Variants in PHLPP1 observed in about 807,000 individuals in gnomAD.
The protein encoded by PHLPP1 is PH domain and leucine rich repeat protein phosphatase 1.
Under a neutral mutation model 117.2 loss-of-function variants are expected in PHLPP1, and 42 were observed. The ratio of observed to expected loss-of-function variants is 0.36; its 90% confidence interval spans 0.28 to 0.46. The LOEUF (loss-of-function observed/expected upper bound fraction) is 0.46, where lower values mean the gene tolerates loss of function less well. Among genes scored for constraint, PHLPP1 ranks in the 20% least tolerant of loss-of-function variants. The pLI, the probability that PHLPP1 is intolerant of heterozygous loss-of-function variation, is 1.00. For synonymous variants in PHLPP1, 1,042 were observed against 970.7 expected (o/e 1.07, Z -1.37); for missense variants, 2,084 against 2,241.9 (o/e 0.93, Z 1.42).
intron 14 of PHLPP1, among the ~76,000 whole-genome samples, chr18:62,971,450 T>C (rs903315199): frequency 5.9e-5 from 9 of 152,032 alleles, no homozygotes; most frequent in African/African-American, 2.2e-4. Flanking sequence ...AGTTTGATTC[T>C]TTTGAGTTTG....
chr18:62,727,477 C>T (rs1334406325), intron 1 of PHLPP1, among the ~76,000 whole-genome samples: 3 of 151,670 alleles, frequency 2.0e-5, no homozygotes, highest in Non-Finnish European at 4.4e-5. Context: ...ATTAGATGGG[C>T]ATGGTAGCAT....
chr18:62,963,261 A>T, intron 13 of PHLPP1, 107 bp from the exon 14 acceptor site: 2 of 675,396 alleles, frequency 3.0e-6, no homozygotes, highest in African/African-American at 1.8e-5. Flanking sequence ...AAGAAATGGT[A>T]AGTACAGAGT....
intron 8 of PHLPP1, among the ~76,000 whole-genome samples, chr18:62,907,472 G>A (rs1331221024): frequency 1.2e-5 from 1 of 82,074 alleles, no homozygotes; most frequent in East Asian, 3.4e-4. Context: ...GGAGCTGATG[G>A]AGCTGAAAAC....
intron 2 of PHLPP1, among the ~76,000 whole-genome samples, chr18:62,836,218 G>A (rs1185590682): frequency 1.3e-5 from 2 of 151,414 alleles, no homozygotes; most frequent in African/African-American, 4.8e-5. Context: ...GGTTGATCAC[G>A]AGGTCAGGAG....
intron 1 of PHLPP1, among the ~76,000 whole-genome samples, chr18:62,761,850 C>T (rs1268130133): frequency 6.6e-6 from 1 of 152,038 alleles, no homozygotes. Flanking sequence ...CTGAAGCAGT[C>T]CTCCTGCCTC....
chr18:62,721,392 A>G (rs1303325036), intron 1 of PHLPP1, among the ~76,000 whole-genome samples: 1 of 151,860 alleles, frequency 6.6e-6, no homozygotes, highest in Non-Finnish European at 1.5e-5. Flanking sequence ...GAGAATTAAC[A>G]CTTTGCCTGA....
rs187350806 is a variant in PHLPP1 at position 62,841,479 on chromosome 18, C to G, written c.1899+2570C>G. ...TACTGAGTAGCTTTGACTACAGGCA[C>G]ATGCCACCATACCCGGCTAATTTTT... is the stretch of plus-strand genomic sequence containing the variant. On this transcript the variant is annotated intron_variant, in intron 3 of 16. Coordinates refer to ENST00000262719, the MANE Select transcript of PHLPP1 (RefSeq NM_194449.4). Among the ~76,000 whole-genome samples the G allele has an allele frequency of 1.1e-3, 165 of 151,560 alleles. 3 individuals carry two copies. The highest frequency in any genetic ancestry group is 1.9e-4 in the Non-Finnish European group (13 of 67,878).
rs1406455409 is a variant in PHLPP1, at chr18:62,972,651, T to C, written c.3698T>C (p.Leu1233Pro). 1 of 1,613,584 alleles carries C rather than the reference T, an allele frequency of 6.2e-7. No individual in the cohort carries two copies. Among genetic ancestry groups the C allele is most frequent in the South Asian group, 1.1e-5 (1 of 91,052 alleles). Residue 1233 changes from leucine to proline, a missense_variant, in exon 15 of 17, where the codon CTG becomes CCG. This residue lies in a region of PHLPP1 where 1,365 missense variants were observed against 1,605.9 expected (regional missense o/e 0.85). Transcript: ENST00000262719. ...CTMSDILAEELQKTKNEEEYM... is the reference protein window; with the variant it reads ...CTMSDILAEEPQKTKNEEEYM... The stretch of plus-strand genomic sequence containing the variant: ...ATGAGTGACATTTTGGCTGAAGAGC[T>C]GCAAAAAACAAAAAACGAAGAAGAA...
In PHLPP1 at chr18:62,872,642, A is replaced by T. The variant is rs1310183310; in HGVS notation, c.2066+12041A>T. 3.3e-5 allele frequency among the ~76,000 whole-genome samples: 5 copies of T among 151,904 alleles called. No individual in the cohort carries two copies. In the East Asian group the frequency reaches 7.7e-4, roughly 23 times the overall value. On this transcript the variant is annotated intron_variant, in intron 4 of 16. Transcript: ENST00000262719. ...GGGAGGTGGAGGTTGCAGTGAGCAG[A>T]GATCGCGCCACTGGACTCTAGCCTG... is the stretch of plus-strand genomic sequence containing the variant.
Position 62,716,636 on chromosome 18 carries a change from C to A in PHLPP1, c.953C>A (p.Pro318Gln). 1 of 1,383,132 alleles carries A rather than the reference C, an allele frequency of 7.2e-7. No homozygotes were observed. Among genetic ancestry groups the A allele is most frequent in the Non-Finnish European group, 9.3e-7 (1 of 1,070,984 alleles). The allele number at this position is 1,383,132 out of a possible 1,614,324, so 85.7% of individuals were successfully genotyped here. The change falls in exon 1 of 17, where the codon CCA becomes CAA. Residue 318 changes from proline to glutamine, a missense_variant. Physicochemically the swap from Pro to Gln is moderately conservative, Grantham distance 76. Transcript: ENST00000262719. This position sits in a 1 kb window ranked among gnomAD's most constrained non-coding sequence, Gnocchi z 5.7. ...GGCGGGTGGTCGCGCCGCGCCAGCCCAGCGCCCTCGGACTCCAGCCCCGGC... is the reference window on the plus strand; with the variant it reads ...GGCGGGTGGTCGCGCCGCGCCAGCCAAGCGCCCTCGGACTCCAGCCCCGGC... ...GPGGWSRRASPAPSDSSPGEP... is the reference protein window; with the variant it reads ...GPGGWSRRASQAPSDSSPGEP...
At chr18:62,810,200 G>T (rs2144310617) in intron 1 of PHLPP1, among the ~76,000 whole-genome samples, 1 of 152,314 alleles carries the variant, frequency 6.6e-6, no homozygotes, top group Non-Finnish European at 1.5e-5. Flanking sequence ...ATCTATAGTA[G>T]TTTGAATTTC....
chr18:62,950,392 T>A (rs1007700514), intron 12 of PHLPP1, among the ~76,000 whole-genome samples: 1 of 152,188 alleles, frequency 6.6e-6, no homozygotes, highest in Non-Finnish European at 1.5e-5. Context: ...CAGCTCTCAA[T>A]CAGCTAGAGA....
chr18:62,805,945 C>T (rs771432682), intron 1 of PHLPP1, among the ~76,000 whole-genome samples: 3 of 151,446 alleles, frequency 2.0e-5, no homozygotes, highest in Non-Finnish European at 4.4e-5. Flanking sequence ...TTATCTAATT[C>T]ATTCTCTTCT....
At chr18:62,913,004 C>CT (rs1371634140) in intron 8 of PHLPP1, among the ~76,000 whole-genome samples, 2 of 152,208 alleles carry the variant, frequency 1.3e-5, no homozygotes, top group Admixed American at 6.5e-5. Flanking sequence ...ATTGAAACCC[C>CT]TAAGTGAGAC....
chr18:62,852,240 G>A (rs76310307), intron 3 of PHLPP1, among the ~76,000 whole-genome samples: 3 of 152,096 alleles, frequency 2.0e-5, no homozygotes, highest in Non-Finnish European at 2.9e-5. Flanking sequence ...AAAAGAAATG[G>A]TGAGATTCTG....
chr18:62,827,863 G>T (rs1179566256), intron 1 of PHLPP1, among the ~76,000 whole-genome samples: 1 of 152,214 alleles, frequency 6.6e-6, no homozygotes, highest in African/African-American at 2.4e-5. Context: ...TGGAGTTGGA[G>T]AATTGAAGGG....
At chr18:62,951,178 TCA>T (rs1910446282) in intron 12 of PHLPP1, among the ~76,000 whole-genome samples, 1 of 152,108 alleles carries the variant, frequency 6.6e-6, no homozygotes, top group South Asian at 2.1e-4. Flanking sequence ...AGACAGGGTT[TCA>T]CTGTGTTAGC....
chr18:62,906,562 C>A (rs1948296131), intron 8 of PHLPP1, among the ~76,000 whole-genome samples: 1 of 117,058 alleles, frequency 8.5e-6, no homozygotes, highest in East Asian at 2.4e-4. Context: ...CCTGGAAAAT[C>A]GGGTCACTCC....
At chr18:62,898,668 T>C (rs1916636373) in intron 6 of PHLPP1, among the ~76,000 whole-genome samples, 1 of 152,200 alleles carries the variant, frequency 6.6e-6, no homozygotes, top group African/African-American at 2.4e-5. Flanking sequence ...CACAATGAGA[T>C]GTGTACAGAA....
Sources: allele counts gnomAD v4.1 joint callset (sites outside exome capture counted in the v4.1 genomes callset), GRCh38; gene constraint gnomAD v4.1.1; regional missense constraint gnomAD v4.1.1; non-coding constraint Gnocchi (gnomAD v3.1); transcripts MANE v1.5; gene names NCBI Gene and HGNC (gene_info 2026-07-23, HGNC 2026-07-21).